PFKFB4: variants seen among roughly 807,000 people sequenced by gnomAD.
PFKFB4 encodes the protein 6-phosphofructo-2-kinase/fructose-2,6-biphosphatase 4.
A neutral mutation model predicts 62.8 loss-of-function variants in PFKFB4; 42 were observed. That is an observed-to-expected ratio of 0.67 (90% CI 0.52 to 0.86). The LOEUF is 0.86. PFKFB4 is among the 40% of genes least tolerant of loss of function. The pLI, the probability that PFKFB4 is intolerant of heterozygous loss-of-function variation, is 0.00. For synonymous variants in PFKFB4, 204 were observed against 240.7 expected, an observed-to-expected ratio of 0.85 and a Z score of 1.41; for missense variants, 475 against 627.2, an observed-to-expected ratio of 0.76 and a Z score of 2.59.
intron 10 of PFKFB4, 126 bp from the exon 11 acceptor site, chr3:48,523,956 T>A: frequency 1.9e-6 from 2 of 1,068,364 alleles, no homozygotes; most frequent in Non-Finnish European, 2.7e-6. Flanking sequence ...TGGCTGGGCC[T>A]CCTCCAGCCT....
chr3:48,553,084 A>G (rs6792525), intron 1 of PFKFB4, among the ~76,000 whole-genome samples: 22,697 of 152,240 alleles, frequency 0.15, 3,809 homozygotes, highest in African/African-American at 0.41. Context: ...TGCAGCTCTC[A>G]AAACAGAGCA....
intron 12 of PFKFB4, among the ~76,000 whole-genome samples, chr3:48,522,382 C>T (rs953861042): frequency 8.5e-5 from 13 of 152,218 alleles, no homozygotes; most frequent in African/African-American, 3.1e-4. Context: ...AAACCACCCA[C>T]ATTCCAACTC....
intron 9 of PFKFB4, among the ~76,000 whole-genome samples, chr3:48,528,514 T>C (rs2042334336): frequency 6.6e-6 from 1 of 151,872 alleles, no homozygotes; most frequent in South Asian, 2.1e-4. Context: ...AATACAAAAA[T>C]TAGCTGGGTG....
At chr3:48,542,257 C>T (rs2042823089) in intron 4 of PFKFB4, among the ~76,000 whole-genome samples, 2 of 151,118 alleles carry the variant, frequency 1.3e-5, no homozygotes, top group African/African-American at 4.9e-5. Flanking sequence ...TGGCGTGAAC[C>T]CAGGAGGAGG....
chr3:48,520,650 C>A (rs896018055), intron 13 of PFKFB4, among the ~76,000 whole-genome samples: 1 of 152,224 alleles, frequency 6.6e-6, no homozygotes, highest in African/African-American at 2.4e-5. Flanking sequence ...TACTGCTGGG[C>A]AGGCTTCCTG....
At chr3:48,523,970 C>T (rs2042177768) in intron 10 of PFKFB4, 140 bp from the exon 11 acceptor site, 1 of 930,498 alleles carries the variant, frequency 1.1e-6, no homozygotes, top group Non-Finnish European at 1.6e-6. Flanking sequence ...CCAGCCTAGC[C>T]TTCTGAGGCC....
chr3:48,563,126 G>C (rs142687169), upstream of PFKFB4: 5 of 1,606,626 alleles, frequency 3.1e-6, no homozygotes, highest in East Asian at 2.2e-5. This position sits in a 1 kb window ranked among gnomAD's most constrained non-coding sequence, Gnocchi z 4.5. Context: ...CCTGGTCATC[G>C]TGAGGTCAGG....
chr3:48,543,317 G>A (rs1300867386), intron 4 of PFKFB4, among the ~76,000 whole-genome samples: 4 of 152,196 alleles, frequency 2.6e-5, no homozygotes, highest in African/African-American at 9.7e-5. Flanking sequence ...AACTTCTGGG[G>A]TGGCCAAGAA....
chr3:48,526,572 CAA>C (rs1427105726), intron 9 of PFKFB4, among the ~76,000 whole-genome samples: 36 of 77,976 alleles, frequency 4.6e-4, no homozygotes, highest in Admixed American at 4.3e-4. Context: ...GACTCTGTCT[CAA>C]AAAAAAAAAA....
intron 9 of PFKFB4, among the ~76,000 whole-genome samples, chr3:48,535,208 T>C (rs953663482): frequency 1.3e-5 from 2 of 152,136 alleles, no homozygotes; most frequent in Non-Finnish European, 2.9e-5. Flanking sequence ...GCTACCAAGC[T>C]CCCGTGGCCG....
rs576346982 is a variant in PFKFB4, at chr3:48,534,954, A to G, written c.987+558T>C. Among the ~76,000 whole-genome samples, 7 of 152,024 alleles carry G rather than the reference A, an allele frequency of 4.6e-5. No individual in the cohort carries two copies. The East Asian group carries it at 1.2e-3, about 25-fold the overall frequency. On this transcript the variant is annotated intron_variant, in intron 9 of 13. Coordinates refer to ENST00000232375, the MANE Select transcript of PFKFB4 (RefSeq NM_004567.4). Reference sequence around the variant, plus strand: ...CTCCCGAGTACGTGGGATTACAGGTACCCACCACCATGCCTGGCTAATTTT... The same window carrying G: ...CTCCCGAGTACGTGGGATTACAGGTGCCCACCACCATGCCTGGCTAATTTT...
intron 8 of PFKFB4, 24 bp downstream of exon 8, chr3:48,536,232 G>T (rs369482812): frequency 6.3e-7 from 1 of 1,598,552 alleles, no homozygotes; most frequent in Non-Finnish European, 8.6e-7. Context: ...GCCCGTGTGC[G>T]CACGCAGGGA....
chr3:48,543,695 A>T (rs1237087707), intron 3 of PFKFB4, 49 bp from the exon 4 acceptor site: 1 of 1,496,120 alleles, frequency 6.7e-7, no homozygotes, highest in South Asian at 1.2e-5. Flanking sequence ...CCCTGGCTCC[A>T]GGAGGGTGGC....
intron 6 of PFKFB4, 128 bp downstream of exon 6, chr3:48,539,126 C>T (rs974921132): frequency 1.3e-6 from 1 of 754,900 alleles, no homozygotes; most frequent in African/African-American, 1.7e-5. Flanking sequence ...CATACCTGAC[C>T]CAGCATTTGA....
chr3:48,535,919 T>C (rs2042588199), intron 8 of PFKFB4, among the ~76,000 whole-genome samples: 1 of 152,080 alleles, frequency 6.6e-6, no homozygotes, highest in African/African-American at 2.4e-5. Context: ...CACAACCAGG[T>C]GCCCTGTGCT....
upstream of PFKFB4, among the ~76,000 whole-genome samples, chr3:48,558,369 AGGTG>A (rs2043381386): frequency 6.6e-6 from 1 of 152,184 alleles, no homozygotes; most frequent in Non-Finnish European, 1.5e-5. Context: ...CACCCCTGGC[AGGTG>A]CCCTGCATCC....
At chr3:48,562,452 G>A, upstream of PFKFB4, 1 of 354,138 alleles carries the variant, frequency 2.8e-6, no homozygotes, top group Non-Finnish European at 5.2e-6. The surrounding 1 kb of genome is among the most constrained non-coding windows in gnomAD (Gnocchi z 4.3). Flanking sequence ...ACTCGCCACA[G>A]CAGTGACCTT....
intron 3 of PFKFB4, among the ~76,000 whole-genome samples, chr3:48,545,479 G>A (rs951343460): frequency 3.3e-5 from 5 of 152,122 alleles, no homozygotes; most frequent in African/African-American, 9.7e-5. Flanking sequence ...CTCCCAGCAT[G>A]TCAAAGTCAA....
Position 48,535,633 on chromosome 3 carries a change from ATG to A in PFKFB4, c.864_865del (p.Ile289GlnfsTer2). 2 of 1,614,092 alleles carry A rather than the reference ATG, an allele frequency of 1.2e-6. No individual in the cohort carries two copies. Among genetic ancestry groups the A allele is most frequent in the Non-Finnish European group, 1.7e-6 (2 of 1,180,002 alleles). ...CAGATCCTTGATATTTTGGTCACTG[ATG>A]AACTGGGCTAGACTCTTGGCAAACT... On this transcript the variant is annotated frameshift_variant, in exon 9 of 14. Coordinates refer to ENST00000232375, the MANE Select transcript of PFKFB4 (RefSeq NM_004567.4). LOFTEE classifies it high-confidence loss of function.
Sources: gnomAD v4.1 joint callset for allele counts (sites outside exome capture counted in the v4.1 genomes callset) on GRCh38, gnomAD v4.1.1 for gene constraint, Gnocchi (gnomAD v3.1) non-coding constraint, MANE v1.5 for transcripts, NCBI Gene and HGNC (gene_info 2026-07-23, HGNC 2026-07-21) for gene names.